Variants in SORCS3 observed in about 807,000 individuals in gnomAD.
The protein encoded by SORCS3 is sortilin related VPS10 domain containing receptor 3.
Under a neutral mutation model 146.3 loss-of-function variants are expected in SORCS3, and 57 were observed. That is an observed-to-expected ratio of 0.39 (90% CI 0.31 to 0.49). The LOEUF is 0.49. Ranked by LOEUF, SORCS3 falls within the 20% of genes least tolerant of loss-of-function variation. SORCS3 has a pLI of 0.92. For missense variants in SORCS3, 1,341 were observed against 1,575.5 expected, an observed-to-expected ratio of 0.85 and a Z score of 2.52; for synonymous variants, 653 against 618.5, an observed-to-expected ratio of 1.06 and a Z score of -0.83.
intron 5 of SORCS3, among the ~76,000 whole-genome samples, chr10:105,051,281 G>C (rs539725166): frequency 3.9e-5 from 6 of 152,048 alleles, no homozygotes; most frequent in Non-Finnish European, 1.5e-5. Context: ...TTAGACACCC[G>C]TGTCAGCCTA....
rs1049698060 is a variant in SORCS3 at position 105,105,515 on chromosome 10, G to C, written c.1212G>C (p.Gln404His). 6.2e-7 allele frequency: 1 copy of C among 1,602,656 alleles called. No homozygotes were observed. Among genetic ancestry groups the C allele is most frequent in the Non-Finnish European group, 8.5e-7 (1 of 1,169,848 alleles). ...TCCAGGATGAATATATCTTCATTCA[G>C]GTGAGTACAGAAAGTGCAGTTGGTG... ...LVVQDEYIFI[Q>H]VTTSGRASYY... is the part of the protein sequence containing the mutation. Residue 404 changes from glutamine (Q) to histidine (H), a missense_variant and splice_region_variant, in exon 7 of 27, where the codon CAG (glutamine) becomes CAC (histidine). By Grantham distance (24) the Gln-to-His change is conservative (BLOSUM62 0). Transcript: ENST00000369701.
chr10:105,169,264 A>C (rs1404976050), intron 13 of SORCS3, among the ~76,000 whole-genome samples: 1 of 152,120 alleles, frequency 6.6e-6, no homozygotes, highest in Non-Finnish European at 1.5e-5. Context: ...TAACAAGTAC[A>C]CCTAGGCTTA....
chr10:105,102,003 CT>C (rs1400313287), intron 6 of SORCS3, among the ~76,000 whole-genome samples: 1 of 152,198 alleles, frequency 6.6e-6, no homozygotes, highest in Non-Finnish European at 1.5e-5. Context: ...GGCTCCCTGC[CT>C]TCCCCTCTCC....
intron 7 of SORCS3, among the ~76,000 whole-genome samples, chr10:105,134,629 G>A (rs1202579822): frequency 6.6e-6 from 1 of 151,464 alleles, no homozygotes; most frequent in Non-Finnish European, 1.5e-5. Context: ...TCCTGAGGAA[G>A]AAGCCCTCAT....
intron 1 of SORCS3, among the ~76,000 whole-genome samples, chr10:104,794,622 G>GGAGGGAGGGAGAGAGAGAGAGAGAGA: frequency 2.4e-5 from 1 of 41,398 alleles, no homozygotes; most frequent in African/African-American, 1.7e-4. Context: ...AGAGAGGGAG[G>GGAGGGAGGGAGAGAGAGAGAGAGAGA]GAGAGAGAGA....
chr10:105,145,695 T>C (rs541951363), intron 8 of SORCS3, among the ~76,000 whole-genome samples: 1 of 151,968 alleles, frequency 6.6e-6, no homozygotes, highest in Admixed American at 6.6e-5. Flanking sequence ...TTTTTAAGAG[T>C]AAGCTTTTTT....
chr10:105,127,939 T>A (rs1486961146), intron 7 of SORCS3, among the ~76,000 whole-genome samples: 1 of 152,152 alleles, frequency 6.6e-6, no homozygotes. Context: ...AGCCATTCTT[T>A]GGAAAGGCTC....
chr10:104,746,329 G>C (rs1421930863), intron 1 of SORCS3, among the ~76,000 whole-genome samples: 2 of 151,946 alleles, frequency 1.3e-5, no homozygotes, highest in Non-Finnish European at 2.9e-5. Context: ...GTAGAGACGG[G>C]GTTTCACCAT....
chr10:105,009,211 G>A (rs1483317591), intron 4 of SORCS3, among the ~76,000 whole-genome samples: 1 of 152,122 alleles, frequency 6.6e-6, no homozygotes, highest in Non-Finnish European at 1.5e-5. Flanking sequence ...AAGACTAATA[G>A]GAGGAGCTAG....
At chr10:105,243,047 A>C (rs899583922) in intron 20 of SORCS3, among the ~76,000 whole-genome samples, 1 of 136,082 alleles carries the variant, frequency 7.3e-6, no homozygotes, top group Non-Finnish European at 1.5e-5. Flanking sequence ...ATATATTTAT[A>C]TATATTTATA....
At chr10:104,921,507 G>C (rs59932519) in intron 3 of SORCS3, among the ~76,000 whole-genome samples, 52,365 of 141,390 alleles carry the variant, frequency 0.37, 10,497 homozygotes, top group African/African-American at 0.59. Context: ...CTCTCTCTGT[G>C]TGTGTGTGTG....
chr10:104,835,755 C>T (rs2018058798), intron 1 of SORCS3, among the ~76,000 whole-genome samples: 2 of 152,160 alleles, frequency 1.3e-5, no homozygotes, highest in South Asian at 4.1e-4. Flanking sequence ...AGGAGCTCAG[C>T]AACTCTAGAA....
Position 105,016,160 on chromosome 10 carries a change from T to A in SORCS3, c.955-26895T>A, listed in dbSNP as rs1228315188. ...ATATATATATATATATATATATTTTTTTTTTTTTTTGAGATGGAGTCTCGC... is the reference window on the plus strand; with the variant it reads ...ATATATATATATATATATATATTTTATTTTTTTTTTGAGATGGAGTCTCGC... On this transcript the variant is annotated intron_variant, in intron 4 of 26. Coordinates refer to ENST00000369701, the MANE Select transcript of SORCS3 (RefSeq NM_014978.3). Among the ~76,000 whole-genome samples, 637 of 137,030 alleles carry A rather than the reference T, an allele frequency of 4.6e-3. 3 individuals carry two copies. Among genetic ancestry groups the A allele is most frequent in the African/African-American group, 0.015 (535 of 35,508 alleles). The allele number at this position is 137,030 out of a possible 152,430, so 89.9% of individuals were successfully genotyped here.
chr10:105,139,475 T>C lies in SORCS3; in HGVS notation c.1291T>C (p.Ser431Pro). Residue 431 changes from serine (S) to proline (P), a missense_variant, in exon 8 of 27, where the codon TCG (serine) becomes CCG (proline). Transcript: ENST00000369701. ...AFAQIKLPKY[S>P]LPKDMHIIST... ...TGCTCAGATAAAGCTGCCTAAGTAC[T>C]CGTTGCCAAAGGTACTGCATGCACC... 1 of 1,613,328 alleles carries C rather than the reference T, an allele frequency of 6.2e-7. No homozygotes were observed. Among genetic ancestry groups the C allele is most frequent in the Non-Finnish European group, 8.5e-7 (1 of 1,179,364 alleles).
chr10:105,090,073 T>C (rs1170785645), intron 6 of SORCS3, among the ~76,000 whole-genome samples: 1 of 152,182 alleles, frequency 6.6e-6, no homozygotes, highest in Non-Finnish European at 1.5e-5. Context: ...GCAATGAATT[T>C]TGAGGCTCCT....
intron 4 of SORCS3, among the ~76,000 whole-genome samples, chr10:105,040,846 C>T (rs960546216): frequency 3.0e-4 from 46 of 151,702 alleles, no homozygotes; most frequent in African/African-American, 1.0e-3. Flanking sequence ...AGTGTAAAGT[C>T]AGTGTGGTAT....
chr10:105,253,531 T>G (rs1222810622), intron 23 of SORCS3, among the ~76,000 whole-genome samples: 1 of 152,236 alleles, frequency 6.6e-6, no homozygotes, highest in Non-Finnish European at 1.5e-5. Flanking sequence ...GGACTGGTGT[T>G]TCTCCTTTTC....
At chr10:105,052,388 A>G (rs2055419355) in intron 5 of SORCS3, among the ~76,000 whole-genome samples, 1 of 152,166 alleles carries the variant, frequency 6.6e-6, no homozygotes, top group Non-Finnish European at 1.5e-5. Context: ...GCTTCCAAAT[A>G]CTTATTCCAC....
At chr10:105,041,667 A>G (rs1413811461) in intron 4 of SORCS3, among the ~76,000 whole-genome samples, 1 of 151,990 alleles carries the variant, frequency 6.6e-6, no homozygotes, top group East Asian at 1.9e-4. Context: ...AGATTACCGG[A>G]AGTTTATACA....
Sources: allele counts gnomAD v4.1 joint callset (sites outside exome capture counted in the v4.1 genomes callset), GRCh38; gene constraint gnomAD v4.1.1; transcripts MANE v1.5; gene names NCBI Gene and HGNC (gene_info 2026-07-23, HGNC 2026-07-21).